MCTP2: variants seen among roughly 807,000 people sequenced by gnomAD.
The protein encoded by MCTP2 is multiple C2 and transmembrane domain containing 2.
A neutral mutation model predicts 111.6 loss-of-function variants in MCTP2; 132 were observed. The ratio of observed to expected loss-of-function variants is 1.18; its 90% CI spans 1.03 to 1.37. The LOEUF (loss-of-function observed/expected upper bound fraction) is 1.37, where lower values mean the gene tolerates loss of function less well. MCTP2 is among the 40% of genes most tolerant of loss of function. The pLI is 0.00. For missense variants in MCTP2, 1,183 were observed against 1,067.9 expected (o/e 1.11, Z -1.50); for synonymous variants, 395 against 387.7 (o/e 1.02, Z -0.22).
At chr15:94,452,045 G>T (rs929086222) in intron 19 of MCTP2, among the ~76,000 whole-genome samples, 1 of 152,086 alleles carries the variant, frequency 6.6e-6, no homozygotes, top group African/African-American at 2.4e-5. Flanking sequence ...TTCAGAAAGG[G>T]TAAAGAACTT....
rs1336789320 is a variant in MCTP2, at chr15:94,383,990, G to A, written c.1583-32G>A. ...CCCTTGTCCCTTTCGAGATTCACTT[G>A]TCTTTGACCGATGTGTATGTTATCT... is the stretch of plus-strand genomic sequence containing the variant. On this transcript the variant is annotated intron_variant, in intron 12 of 22. Transcript: ENST00000357742. The A allele has an allele frequency of 8.8e-6, 13 of 1,470,988 alleles. No individual in the cohort carries two copies. In the East Asian group the frequency reaches 3.0e-4, roughly 33 times the overall value. The allele number at this position is 1,470,988 out of a possible 1,614,324, so 91.1% of individuals were successfully genotyped here. A position where few individuals can be genotyped will look rare whatever the true frequency, so the allele number is the denominator to read the frequency against.
intron 20 of MCTP2, among the ~76,000 whole-genome samples, chr15:94,466,677 C>T (rs1321287391): frequency 6.6e-6 from 1 of 152,136 alleles, no homozygotes; most frequent in African/African-American, 2.4e-5. Flanking sequence ...CAACAGAAAG[C>T]AGCTCAGAAT....
intron 4 of MCTP2, among the ~76,000 whole-genome samples, chr15:94,318,568 C>T (rs955288793): frequency 6.6e-5 from 10 of 152,088 alleles, no homozygotes; most frequent in South Asian, 2.1e-4. Context: ...CCACCACGCC[C>T]GGCCAATAGT....
At chr15:94,276,472 A>G (rs1567316240) in intron 1 of MCTP2, among the ~76,000 whole-genome samples, 2 of 152,052 alleles carry the variant, frequency 1.3e-5, no homozygotes, top group South Asian at 2.1e-4. Context: ...AGTTCTAGCA[A>G]TTAAGTAAGA....
chr15:94,343,724 G>T (rs1045458442), intron 7 of MCTP2: 5 of 152,146 alleles, frequency 3.3e-5, no homozygotes, highest in African/African-American at 7.2e-5. Context: ...TTAACTCAAA[G>T]AATTATTTAA....
intron 4 of MCTP2, among the ~76,000 whole-genome samples, chr15:94,334,912 T>C (rs934490291): frequency 5.3e-5 from 8 of 152,226 alleles, no homozygotes; most frequent in African/African-American, 1.9e-4. Flanking sequence ...ATGAAAGTTC[T>C]AAGCTGGGAA....
intron 3 of MCTP2, chr15:94,314,885 G>A (rs2076310858): frequency 2.4e-6 from 1 of 414,358 alleles, no homozygotes; most frequent in Admixed American, 2.8e-5. Flanking sequence ...GAGGATTAGA[G>A]TAAGAGACAC....
At chr15:94,244,408 G>A (rs1003567308) in intron 1 of MCTP2, among the ~76,000 whole-genome samples, 8 of 146,290 alleles carry the variant, frequency 5.5e-5, no homozygotes, top group African/African-American at 1.8e-4. Context: ...ATTTATATTC[G>A]TATATGTATA....
At position 94,318,604 on chromosome 15, in the gene MCTP2, C is replaced by T. The variant is rs576304796; in HGVS notation, c.637+2967C>T. ...TTTTAAGTTTAGGGATATATACAGG[C>T]CCTGGACCTCTTCTGTTGGCCAACT... On this transcript the variant is annotated intron_variant, in intron 4 of 22. Coordinates refer to ENST00000357742, the MANE Select transcript of MCTP2 (RefSeq NM_001385001.1). Among the ~76,000 whole-genome samples, 9 of 152,246 alleles carry T rather than the reference C, an allele frequency of 5.9e-5. No homozygotes were observed. The South Asian group carries it at 1.9e-3, about 32-fold the overall frequency.
intron 17 of MCTP2, chr15:94,402,330 GA>G: frequency 1.0e-6 from 1 of 985,128 alleles, no homozygotes; most frequent in Non-Finnish European, 1.2e-6. Flanking sequence ...CATAATTTCT[GA>G]AAAATGGCAT....
chr15:94,321,765 C>T (rs1265307574), intron 4 of MCTP2, among the ~76,000 whole-genome samples: 1 of 152,172 alleles, frequency 6.6e-6, no homozygotes, highest in African/African-American at 2.4e-5. Context: ...TTGAATTCCC[C>T]AAAACACAAC....
At chr15:94,331,146 A>C (rs1045567982) in intron 4 of MCTP2, among the ~76,000 whole-genome samples, 1 of 152,236 alleles carries the variant, frequency 6.6e-6, no homozygotes, top group African/African-American at 2.4e-5. Context: ...ATATATTGAC[A>C]GTGTTTTTCT....
intron 1 of MCTP2, among the ~76,000 whole-genome samples, chr15:94,285,774 G>A (rs2074723205): frequency 6.6e-6 from 1 of 152,100 alleles, no homozygotes; most frequent in Admixed American, 6.5e-5. Flanking sequence ...CAGTTCTAGG[G>A]TCTTTTCAAA....
At chr15:94,288,142 T>TTTTTAATTTG (rs2074850159) in intron 1 of MCTP2, among the ~76,000 whole-genome samples, 1 of 152,154 alleles carries the variant, frequency 6.6e-6, no homozygotes, top group African/African-American at 2.4e-5. Context: ...CCAATTGGGT[T>TTTTTAATTTG]TTTTAATTTG....
intron 4 of MCTP2, among the ~76,000 whole-genome samples, chr15:94,337,132 G>A (rs2077401774): frequency 6.6e-6 from 1 of 152,154 alleles, no homozygotes; most frequent in South Asian, 2.1e-4. Flanking sequence ...CTTAGGCTCA[G>A]AGAGAAAATC....
At chr15:94,322,541 T>A (rs2076677534) in intron 4 of MCTP2, among the ~76,000 whole-genome samples, 1 of 152,216 alleles carries the variant, frequency 6.6e-6, no homozygotes, top group Non-Finnish European at 1.5e-5. Context: ...TATAAATTTA[T>A]TTACAAAAAC....
intron 4 of MCTP2, 49 bp downstream of exon 4, chr15:94,315,686 C>G: frequency 7.6e-7 from 1 of 1,320,502 alleles, no homozygotes; most frequent in Non-Finnish European, 1.1e-6. Context: ...ACTTCTTTCT[C>G]TCTGTCCTTG....
chr15:94,307,060 C>A (rs1403622425), intron 2 of MCTP2, among the ~76,000 whole-genome samples: 1 of 152,166 alleles, frequency 6.6e-6, no homozygotes, highest in Non-Finnish European at 1.5e-5. Flanking sequence ...CAGGGTCCAT[C>A]ATGGGCTCAG....
intron 4 of MCTP2, among the ~76,000 whole-genome samples, chr15:94,322,582 A>G (rs556990460): frequency 1.3e-5 from 2 of 152,240 alleles, no homozygotes; most frequent in Non-Finnish European, 2.9e-5. Context: ...CTGATGGGCC[A>G]AAGTTTGTTG....
Sources: gnomAD v4.1 joint callset for allele counts (sites outside exome capture counted in the v4.1 genomes callset) on GRCh38, gnomAD v4.1.1 for gene constraint, MANE v1.5 for transcripts, NCBI Gene and HGNC (gene_info 2026-07-23, HGNC 2026-07-21) for gene names.